Variants in ZC2HC1B observed in about 807,000 individuals in gnomAD.
The protein encoded by ZC2HC1B is zinc finger C2HC domain-containing protein 1B.
In ZC2HC1B, 36 loss-of-function variants were observed where a neutral mutation model predicts 31.0. That is an observed-to-expected ratio of 1.16 (90% CI 0.89 to 1.54). The LOEUF (loss-of-function observed/expected upper bound fraction) is 1.54, where lower values mean the gene tolerates loss of function less well. ZC2HC1B is among the 40% of genes most tolerant of loss of function. ZC2HC1B has a pLI of 0.00. For synonymous variants in ZC2HC1B, 73 were observed against 88.0 expected (o/e 0.83, Z 0.95); for missense variants, 260 against 268.6 (o/e 0.97, Z 0.22).
chr6:143,866,496 T>C (rs1397072063), intron 1 of ZC2HC1B, among the ~76,000 whole-genome samples: 1 of 152,198 alleles, frequency 6.6e-6, no homozygotes, highest in African/African-American at 2.4e-5. Flanking sequence ...CTCACCATCA[T>C]GGAAAAATTG....
chr6:143,894,913 T>C (rs1001364404), intron 4 of ZC2HC1B, among the ~76,000 whole-genome samples: 2 of 152,186 alleles, frequency 1.3e-5, no homozygotes, highest in African/African-American at 4.8e-5. Flanking sequence ...GATTATTGTT[T>C]CTCTAAAAAA....
At chr6:143,891,905 T>C (rs1477775332) in intron 4 of ZC2HC1B, among the ~76,000 whole-genome samples, 2 of 151,988 alleles carry the variant, frequency 1.3e-5, no homozygotes, top group East Asian at 3.9e-4. Context: ...GAAAATAGAA[T>C]CTAGATATAG....
rs1036335349 is a variant in ZC2HC1B at position 143,870,351 on chromosome 6, C to T, written c.28+5784C>T. Among the ~76,000 whole-genome samples the T allele has an allele frequency of 3.3e-5, 5 of 152,102 alleles. No homozygotes were observed. Among genetic ancestry groups the T allele is most frequent in the Admixed American group, 6.5e-5 (1 of 15,274 alleles). Reference sequence around the variant, plus strand: ...ATATTGTGCAGAACCATCTGTGAACCGGGCTCTAGTCTTCTCTTTTTCTGT... The same window carrying T: ...ATATTGTGCAGAACCATCTGTGAACTGGGCTCTAGTCTTCTCTTTTTCTGT... On this transcript the variant is annotated intron_variant, in intron 1 of 7. Transcript: ENST00000237275. This position sits in a 1 kb window ranked among gnomAD's most constrained non-coding sequence, Gnocchi z 4.7.
chr6:143,932,875 C>G (rs1305090637), intron 6 of ZC2HC1B, among the ~76,000 whole-genome samples: 1 of 152,196 alleles, frequency 6.6e-6, no homozygotes. Context: ...TACCCTCCCC[C>G]TTTCCCTAGG....
intron 6 of ZC2HC1B, among the ~76,000 whole-genome samples, chr6:143,936,120 A>G (rs189077071): frequency 7.9e-5 from 12 of 152,328 alleles, no homozygotes. Flanking sequence ...TTTAAAATTC[A>G]TACCAGAGGA....
At chr6:143,912,607 G>A (rs966825068) in intron 6 of ZC2HC1B, among the ~76,000 whole-genome samples, 3 of 152,174 alleles carry the variant, frequency 2.0e-5, no homozygotes, top group African/African-American at 4.8e-5. Flanking sequence ...AGCAAAGATG[G>A]CAGCCAACTT....
rs1777706005 is a variant in ZC2HC1B, at chr6:143,899,173, G to C, written c.489+482G>C. ...GATATGTGGATGAATGGAAGCAGCT[G>C]TTAACATTAGGTGCAAATCAGTAAA... On this transcript the variant is annotated intron_variant, in intron 5 of 7. Coordinates refer to ENST00000237275, the MANE Select transcript of ZC2HC1B (RefSeq NM_001013623.3). The surrounding 1 kb of genome is among the most constrained non-coding windows in gnomAD (Gnocchi z 5.0). 6.6e-6 allele frequency among the ~76,000 whole-genome samples: 1 copy of C among 152,158 alleles called. No homozygotes were observed. The highest frequency in any genetic ancestry group is 2.4e-5 in the African/African-American group (1 of 41,436).
chr6:143,902,749 A>T (rs1443053379), intron 5 of ZC2HC1B, among the ~76,000 whole-genome samples: 1 of 152,214 alleles, frequency 6.6e-6, no homozygotes, highest in South Asian at 2.1e-4. Context: ...GTGATTTCTT[A>T]TGTCTCCATA....
chr6:143,918,474 T>C lies in ZC2HC1B; in HGVS notation c.598+15322T>C, dbSNP rs1430074155. ...GGTTTGTGACAGGTCATTTTTTTTC[T>C]TGCTACTCTGATTATTTTTTGTCTT... On this transcript the variant is annotated intron_variant, in intron 6 of 7. Transcript: ENST00000237275. This position sits in a 1 kb window ranked among gnomAD's most constrained non-coding sequence, Gnocchi z 4.1. 6.6e-6 allele frequency among the ~76,000 whole-genome samples: 1 copy of C among 152,216 alleles called. No homozygotes were observed. The highest frequency in any genetic ancestry group is 1.5e-5 in the Non-Finnish European group (1 of 68,048).
chr6:143,937,874 G>T, intron 7 of ZC2HC1B, 141 bp downstream of exon 7: 1 of 588,644 alleles, frequency 1.7e-6, no homozygotes, highest in Non-Finnish European at 3.0e-6. Flanking sequence ...TCTTGAAACT[G>T]ACTCTGCTGT....
At chr6:143,926,795 TGTTAA>T (rs1200635755) in intron 6 of ZC2HC1B, among the ~76,000 whole-genome samples, 4 of 151,150 alleles carry the variant, frequency 2.6e-5, no homozygotes, top group African/African-American at 9.7e-5. Context: ...GATGTTCTGG[TGTTAA>T]GTTCATATAT....
chr6:143,903,047 A>G lies in ZC2HC1B; in HGVS notation c.493A>G (p.Arg165Gly). Residue 165 changes from arginine (R) to glycine (G), a missense_variant, in exon 6 of 8, where the codon AGG (arginine) becomes GGG (glycine). Coordinates refer to ENST00000237275, the MANE Select transcript of ZC2HC1B (RefSeq NM_001013623.3). The surrounding 1 kb of genome is among the most constrained non-coding windows in gnomAD (Gnocchi z 4.3). ...CTCTTTCTTTCTCTCTCTGTAGGGT[A>G]GGGCTCAGATGGGTCCAAAAAAAGA... ...AAKLASRAQG[R>G]AQMGPKKEPT... The G allele has an allele frequency of 1.3e-6, 2 of 1,551,728 alleles. No individual in the cohort carries two copies. The highest frequency in any genetic ancestry group is 1.7e-6 in the Non-Finnish European group (2 of 1,146,942).
chr6:143,887,224 G>C lies in ZC2HC1B; in HGVS notation c.349+403G>C, dbSNP rs962127801. Among the ~76,000 whole-genome samples, 1 of 151,906 alleles carries C rather than the reference G, an allele frequency of 6.6e-6. No homozygotes were observed. Among genetic ancestry groups the C allele is most frequent in the African/African-American group, 2.4e-5 (1 of 41,326 alleles). ...TAACCATTTGAAGCTGTACAATTTAGTACCCACAGCTTTTTTTACTGGAAA... is the reference window on the plus strand; with the variant it reads ...TAACCATTTGAAGCTGTACAATTTACTACCCACAGCTTTTTTTACTGGAAA... On this transcript the variant is annotated intron_variant, in intron 4 of 7. Coordinates refer to ENST00000237275, the MANE Select transcript of ZC2HC1B (RefSeq NM_001013623.3). This position sits in a 1 kb window ranked among gnomAD's most constrained non-coding sequence, Gnocchi z 5.1.
rs1777254954 is a variant in ZC2HC1B at position 143,865,926 on chromosome 6, C to T, written c.28+1359C>T. Reference sequence around the variant, plus strand: ...CAACTCCCGGGTTCAGGCGATTCCCCTGCCTCAGCCTCCCGAGTAGCTGGG... The same window carrying T: ...CAACTCCCGGGTTCAGGCGATTCCCTTGCCTCAGCCTCCCGAGTAGCTGGG... On this transcript the variant is annotated intron_variant, in intron 1 of 7. Coordinates refer to ENST00000237275, the MANE Select transcript of ZC2HC1B (RefSeq NM_001013623.3). The surrounding 1 kb of genome is among the most constrained non-coding windows in gnomAD (Gnocchi z 4.4). Among the ~76,000 whole-genome samples, 1 of 152,238 alleles carries T rather than the reference C, an allele frequency of 6.6e-6. No homozygotes were observed. The highest frequency in any genetic ancestry group is 1.5e-5 in the Non-Finnish European group (1 of 68,038).
intron 4 of ZC2HC1B, among the ~76,000 whole-genome samples, chr6:143,892,140 C>T (rs1291785074): frequency 6.6e-6 from 1 of 152,102 alleles, no homozygotes; most frequent in African/African-American, 2.4e-5. Context: ...GCTCACAGTT[C>T]TGCAGGTTGT....
At chr6:143,891,465 C>T (rs1777601931) in intron 4 of ZC2HC1B, among the ~76,000 whole-genome samples, 1 of 151,836 alleles carries the variant, frequency 6.6e-6, no homozygotes, top group African/African-American at 2.4e-5. Context: ...CTTTGGGAGG[C>T]CGAGGCAGGT....
intron 1 of ZC2HC1B, among the ~76,000 whole-genome samples, chr6:143,874,488 A>G (rs1397889243): frequency 2.0e-5 from 3 of 152,232 alleles, no homozygotes; most frequent in Non-Finnish European, 4.4e-5. Flanking sequence ...CACTGCTGAT[A>G]AAGACATACC....
rs1421977376 is a variant in ZC2HC1B, at chr6:143,903,371, G to A, written c.598+219G>A. Among the ~76,000 whole-genome samples the A allele has an allele frequency of 6.6e-6, 1 of 152,178 alleles. No homozygotes were observed. The highest frequency in any genetic ancestry group is 1.5e-5 in the Non-Finnish European group (1 of 68,040). On this transcript the variant is annotated intron_variant, in intron 6 of 7. Transcript: ENST00000237275. This position sits in a 1 kb window ranked among gnomAD's most constrained non-coding sequence, Gnocchi z 4.3. The stretch of plus-strand genomic sequence containing the variant: ...CTTTCACAATGTACAAGTCAAATTC[G>A]ATTACTGCAATGGGAGTCTAAACCA...
At chr6:143,873,639 A>G (rs761867117) in intron 1 of ZC2HC1B, among the ~76,000 whole-genome samples, 28 of 152,224 alleles carry the variant, frequency 1.8e-4, no homozygotes, top group Non-Finnish European at 3.2e-4. Context: ...GTGCACCCGC[A>G]AGCTCAACAC....
Sources: allele counts gnomAD v4.1 joint callset (sites outside exome capture counted in the v4.1 genomes callset), GRCh38; gene constraint gnomAD v4.1.1; non-coding constraint Gnocchi (gnomAD v3.1); transcripts MANE v1.5; gene names NCBI Gene and HGNC (gene_info 2026-07-23, HGNC 2026-07-21).